Variants in CNTNAP2 observed in about 807,000 individuals in gnomAD.
CNTNAP2 encodes contactin associated protein 2.
A neutral mutation model predicts 155.2 loss-of-function variants in CNTNAP2; 98 were observed. The observed-to-expected ratio is 0.63, with a 90% CI of 0.54 to 0.75. The LOEUF is 0.75. Among genes scored for constraint, CNTNAP2 ranks in the 30% least tolerant of loss-of-function variants. The pLI is 0.00. For synonymous variants in CNTNAP2, 651 were observed against 631.2 expected (o/e 1.03, Z -0.47); for missense variants, 1,727 against 1,688.1 (o/e 1.02, Z -0.40).
At chr7:147,275,860 AG>A (rs1804884108) in intron 8 of CNTNAP2, among the ~76,000 whole-genome samples, 2 of 151,772 alleles carry the variant, frequency 1.3e-5, no homozygotes, top group African/African-American at 4.8e-5. Flanking sequence ...GTTTGTTGAG[AG>A]TTGTTATCAT....
chr7:146,984,995 A>G (rs554036381), intron 3 of CNTNAP2, among the ~76,000 whole-genome samples: 1 of 152,318 alleles, frequency 6.6e-6, no homozygotes, highest in South Asian at 2.1e-4. Flanking sequence ...TTCTAATGGA[A>G]TGAATTTAGT....
At chr7:146,276,389 T>C (rs1800164271) in intron 1 of CNTNAP2, among the ~76,000 whole-genome samples, 1 of 152,224 alleles carries the variant, frequency 6.6e-6, no homozygotes, top group Non-Finnish European at 1.5e-5. Flanking sequence ...ATATGCATCA[T>C]CTTAACCAAG....
rs762231600 is a variant in CNTNAP2, at chr7:147,395,763, G to C, written c.1653G>C (p.Met551Ile). 3.7e-6 allele frequency: 6 copies of C among 1,612,314 alleles called. No homozygotes were observed. The Admixed American group carries it at 1.0e-4, about 27-fold the overall frequency. The change falls in exon 10 of 24, where the codon ATG becomes ATC. Residue 551 changes from methionine (M) to isoleucine (I), a missense_variant. Coordinates refer to ENST00000361727, the MANE Select transcript of CNTNAP2 (RefSeq NM_014141.6). ...PGSFANVSID[M>I]CAIIDRCVPN... ...GTTTCGCGAATGTCAGCATTGACAT[G>C]TGTGCGATCATAGACAGGTAAATGA...
chr7:146,638,403 T>C lies in CNTNAP2; in HGVS notation c.98-135868T>C, dbSNP rs1369555445. On this transcript the variant is annotated intron_variant, in intron 1 of 23. Transcript: ENST00000361727. The stretch of plus-strand genomic sequence containing the variant: ...AAGTATCACTGGATATCTCATTTGG[T>C]AGCATATTAAAATATGCAGATCTTC... 2.6e-5 allele frequency among the ~76,000 whole-genome samples: 4 copies of C among 151,730 alleles called. No individual in the cohort carries two copies. In the East Asian group the frequency reaches 7.7e-4, roughly 29 times the overall value.
chr7:146,189,646 G>A (rs1418784205), intron 1 of CNTNAP2, among the ~76,000 whole-genome samples: 2 of 152,094 alleles, frequency 1.3e-5, no homozygotes, highest in Non-Finnish European at 2.9e-5. Flanking sequence ...TAGATTTTCT[G>A]GTTTGACCTT....
intron 8 of CNTNAP2, among the ~76,000 whole-genome samples, chr7:147,211,974 C>G (rs923402331): frequency 6.6e-6 from 1 of 152,060 alleles, no homozygotes; most frequent in Non-Finnish European, 1.5e-5. Context: ...GATACACAAG[C>G]AGCTAACAAA....
At chr7:148,019,476 T>C (rs2116916225) in intron 15 of CNTNAP2, among the ~76,000 whole-genome samples, 1 of 152,290 alleles carries the variant, frequency 6.6e-6, no homozygotes, top group South Asian at 2.1e-4. Context: ...GTTTTGTTTT[T>C]TGAGACAGAG....
chr7:147,907,259 T>C (rs1799976033), intron 14 of CNTNAP2, among the ~76,000 whole-genome samples: 1 of 152,128 alleles, frequency 6.6e-6, no homozygotes, highest in Non-Finnish European at 1.5e-5. Context: ...GGTTTCACCA[T>C]GTTAGCCAGG....
At chr7:146,471,453 A>C (rs1796797852) in intron 1 of CNTNAP2, among the ~76,000 whole-genome samples, 1 of 152,182 alleles carries the variant, frequency 6.6e-6, no homozygotes, top group African/African-American at 2.4e-5. Context: ...AACAATGGAG[A>C]AATAGCTGCT....
intron 2 of CNTNAP2, among the ~76,000 whole-genome samples, chr7:146,791,526 A>T (rs894074602): frequency 6.6e-6 from 1 of 152,206 alleles, no homozygotes; most frequent in Admixed American, 6.5e-5. Context: ...TCAGAACTCA[A>T]CATGCTCCTT....
At chr7:147,857,342 G>A (rs908580395) in intron 13 of CNTNAP2, among the ~76,000 whole-genome samples, 4 of 152,016 alleles carry the variant, frequency 2.6e-5, no homozygotes, top group Non-Finnish European at 5.9e-5. Context: ...TTTAAAATGG[G>A]TTTTCTCTGT....
chr7:147,648,807 T>C (rs551556258), intron 13 of CNTNAP2, among the ~76,000 whole-genome samples: 1 of 152,242 alleles, frequency 6.6e-6, no homozygotes, highest in East Asian at 1.9e-4. Flanking sequence ...CCAAACCATA[T>C]CAGCCATCAT....
At chr7:146,564,853 T>C (rs1408746351) in intron 1 of CNTNAP2, among the ~76,000 whole-genome samples, 1 of 151,964 alleles carries the variant, frequency 6.6e-6, no homozygotes, top group East Asian at 1.9e-4. Context: ...ATCATTGAAT[T>C]TGATACTCCT....
At chr7:147,495,705 G>T (rs577013023) in intron 11 of CNTNAP2, among the ~76,000 whole-genome samples, 2 of 152,266 alleles carry the variant, frequency 1.3e-5, no homozygotes, top group Admixed American at 1.3e-4. Context: ...TTTCAGCACC[G>T]CTGTAACAAA....
At chr7:146,671,250 C>T (rs1800299233) in intron 1 of CNTNAP2, among the ~76,000 whole-genome samples, 1 of 152,150 alleles carries the variant, frequency 6.6e-6, no homozygotes, top group African/African-American at 2.4e-5. Flanking sequence ...GGAGGTTTCC[C>T]AAGACCCATC....
chr7:147,732,502 T>G (rs1796760568), intron 13 of CNTNAP2, among the ~76,000 whole-genome samples: 1 of 152,070 alleles, frequency 6.6e-6, no homozygotes, highest in Non-Finnish European at 1.5e-5. Context: ...AACATACATG[T>G]GCATGTGTCT....
chr7:146,125,565 A>G (rs1797622562), intron 1 of CNTNAP2, among the ~76,000 whole-genome samples: 1 of 135,542 alleles, frequency 7.4e-6, no homozygotes, highest in Non-Finnish European at 1.5e-5. Context: ...GACAGAGCAG[A>G]GCGAGACTCC....
intron 23 of CNTNAP2, among the ~76,000 whole-genome samples, chr7:148,414,105 C>CTG (rs1799922663): frequency 7.0e-6 from 1 of 141,990 alleles, no homozygotes; most frequent in Admixed American, 7.1e-5. Flanking sequence ...AGAGTCCCCC[C>CTG]CCCCCCCCTC....
At chr7:146,121,246 A>T (rs1374193235) in intron 1 of CNTNAP2, among the ~76,000 whole-genome samples, 2 of 147,990 alleles carry the variant, frequency 1.4e-5, no homozygotes, top group African/African-American at 5.0e-5. Context: ...CTCCTGCCTC[A>T]GCCTCCCGAG....
Sources: gnomAD v4.1 joint callset for allele counts (sites outside exome capture counted in the v4.1 genomes callset) on GRCh38, gnomAD v4.1.1 for gene constraint, MANE v1.5 for transcripts, NCBI Gene and HGNC (gene_info 2026-07-23, HGNC 2026-07-21) for gene names.